Variants in CSNK2A2IP observed in about 807,000 individuals in gnomAD.
CSNK2A2IP encodes casein kinase II subunit alpha'-interacting protein.
chr3:88,459,553 GTT>G, the CSNK2A2IP span, among the ~76,000 whole-genome samples: 3 of 151,748 alleles, frequency 2.0e-5, no homozygotes, highest in African/African-American at 7.3e-5. Context: ...GTTTTGTTTT[GTT>G]TTCTTCTTTA....
the CSNK2A2IP span, among the ~76,000 whole-genome samples, chr3:88,345,471 T>C: frequency 6.6e-6 from 1 of 152,032 alleles, no homozygotes; most frequent in African/African-American, 2.4e-5. Context: ...CAACTCAGCA[T>C]TGAGAAGTCT....
chr3:88,465,634 T>C, the CSNK2A2IP span: 1 of 1,231,662 alleles, frequency 8.1e-7, no homozygotes, highest in Non-Finnish European at 1.0e-6. Flanking sequence ...TTCACCATTG[T>C]TCCATGCCAA....
the CSNK2A2IP span, among the ~76,000 whole-genome samples, chr3:88,410,445 G>A: frequency 2.6e-3 from 388 of 152,044 alleles, 1 homozygote; most frequent in African/African-American, 8.3e-3. Context: ...ATTTGTTGCC[G>A]TGTGAACCAC....
At chr3:88,371,196 A>G in the CSNK2A2IP span, among the ~76,000 whole-genome samples, 1 of 151,848 alleles carries the variant, frequency 6.6e-6, no homozygotes, top group Non-Finnish European at 1.5e-5. Context: ...GCAGGAAGAA[A>G]CCCATCCAGC....
At chr3:88,421,360 C>G in the CSNK2A2IP span, among the ~76,000 whole-genome samples, 2 of 152,136 alleles carry the variant, frequency 1.3e-5, no homozygotes, top group Non-Finnish European at 2.9e-5. Flanking sequence ...ATGCAGCAAC[C>G]ATTATCTTGC....
At chr3:88,358,796 G>T in the CSNK2A2IP span, among the ~76,000 whole-genome samples, 2 of 151,992 alleles carry the variant, frequency 1.3e-5, 1 homozygote, top group East Asian at 3.9e-4. Flanking sequence ...AGCAGTTTTT[G>T]TTGTTGTTGT....
chr3:88,413,901 A>G, the CSNK2A2IP span, among the ~76,000 whole-genome samples: 1 of 151,984 alleles, frequency 6.6e-6, no homozygotes, highest in Admixed American at 6.6e-5. Context: ...CTTAAGAGCA[A>G]TAAGAAAAAG....
chr3:88,385,217 A>G, the CSNK2A2IP span, among the ~76,000 whole-genome samples: 1 of 152,152 alleles, frequency 6.6e-6, no homozygotes, highest in Non-Finnish European at 1.5e-5. Flanking sequence ...AGCAAAGGAG[A>G]CTGAAAATGA....
the CSNK2A2IP span, among the ~76,000 whole-genome samples, chr3:88,401,701 C>A: frequency 6.6e-6 from 1 of 152,092 alleles, no homozygotes; most frequent in Admixed American, 6.6e-5. Context: ...CTTGCAAAAT[C>A]TCAGTGGGAA....
chr3:88,401,994 T>C, the CSNK2A2IP span, among the ~76,000 whole-genome samples: 2 of 151,614 alleles, frequency 1.3e-5, no homozygotes, highest in East Asian at 3.9e-4. Context: ...TGTCTTTCCT[T>C]GCTTTTGAAA....
the CSNK2A2IP span, among the ~76,000 whole-genome samples, chr3:88,359,956 G>A: frequency 6.6e-6 from 1 of 151,952 alleles, no homozygotes; most frequent in African/African-American, 2.4e-5. Context: ...GCTGAAAGTT[G>A]GGTGTTGAAG....
chr3:88,439,765 A>C, the CSNK2A2IP span, among the ~76,000 whole-genome samples: 259 of 150,984 alleles, frequency 1.7e-3, 1 homozygote, highest in Non-Finnish European at 2.7e-3. Flanking sequence ...AAATCATCGA[A>C]GAGTTATCTC....
the CSNK2A2IP span, among the ~76,000 whole-genome samples, chr3:88,352,196 C>T: frequency 2.0e-5 from 3 of 152,048 alleles, no homozygotes; most frequent in East Asian, 5.8e-4. Flanking sequence ...TTAGTGAGTT[C>T]ATGTTAACTC....
At chr3:88,429,817 A>C in the CSNK2A2IP span, among the ~76,000 whole-genome samples, 4 of 152,110 alleles carry the variant, frequency 2.6e-5, no homozygotes, top group South Asian at 8.3e-4. Context: ...CAGTGCCCTG[A>C]TCTCAGCTCA....
At chr3:88,466,361 C>T in the CSNK2A2IP span, 43 of 1,231,716 alleles carry the variant, frequency 3.5e-5, no homozygotes, top group East Asian at 6.3e-5. Flanking sequence ...TTCCAGACCA[C>T]GAATTCACCT....
the CSNK2A2IP span, among the ~76,000 whole-genome samples, chr3:88,420,885 G>T: frequency 6.6e-6 from 1 of 152,182 alleles, no homozygotes; most frequent in South Asian, 2.1e-4. Context: ...TCTAACTCAT[G>T]TAATGGGAGT....
At chr3:88,403,396 T>C in the CSNK2A2IP span, among the ~76,000 whole-genome samples, 2 of 152,098 alleles carry the variant, frequency 1.3e-5, no homozygotes, top group Admixed American at 6.6e-5. Flanking sequence ...TGGAGATAAA[T>C]ATGTTCCATT....
the CSNK2A2IP span, among the ~76,000 whole-genome samples, chr3:88,413,803 A>C: frequency 6.6e-6 from 1 of 152,018 alleles, no homozygotes; most frequent in East Asian, 1.9e-4. Flanking sequence ...AAGTGTGATT[A>C]ATTAATAATG....
chr3:88,342,824 T>A, the CSNK2A2IP span, among the ~76,000 whole-genome samples: 1 of 152,010 alleles, frequency 6.6e-6, no homozygotes, highest in Non-Finnish European at 1.5e-5. Flanking sequence ...GTATTACCTC[T>A]GCTTCCAGAA....
Sources: gnomAD v4.1 joint callset for allele counts (sites outside exome capture counted in the v4.1 genomes callset) on GRCh38, gnomAD v4.1.1 for gene constraint, MANE v1.5 for transcripts, NCBI Gene and HGNC (gene_info 2026-07-23, HGNC 2026-07-21) for gene names.